Variants in KIAA0319L observed in about 807,000 individuals in gnomAD.
KIAA0319L encodes dyslexia-associated protein KIAA0319-like protein.
In KIAA0319L, 55 loss-of-function variants were observed where a neutral mutation model predicts 120.1. The ratio of observed to expected loss-of-function variants is 0.46; its 90% confidence interval spans 0.37 to 0.57. The LOEUF (loss-of-function observed/expected upper bound fraction) is 0.57. KIAA0319L is among the 20% of genes least tolerant of loss of function. The pLI, the probability that KIAA0319L is intolerant of heterozygous loss-of-function variation, is 0.00. For synonymous variants in KIAA0319L, 398 were observed against 471.9 expected (o/e 0.84, Z 2.03); for missense variants, 1,049 against 1,255.3 (o/e 0.84, Z 2.48).
In KIAA0319L at chr1:35,449,981, G is replaced by C; in HGVS notation, c.2239C>G (p.His747Asp). 6.2e-7 allele frequency: 1 copy of C among 1,614,160 alleles called. No homozygotes were observed. The highest frequency in any genetic ancestry group is 8.5e-7 in the Non-Finnish European group (1 of 1,180,000). ...AGGTTTGAAAGAAAAAGGATAGGGTGATGGTCAGAGTGATTTAACACCTCC... is the reference window on the plus strand; with the variant it reads ...AGGTTTGAAAGAAAAAGGATAGGGTCATGGTCAGAGTGATTTAACACCTCC... ...AGEVLNHSDHHPILFLSNLVE... is the reference protein window; with the variant it reads ...AGEVLNHSDHDPILFLSNLVE... Residue 747 changes from histidine to aspartate, a missense_variant, in exon 15 of 21, where the codon CAC (histidine) becomes GAC (aspartate). His to Asp is a moderately conservative substitution (Grantham distance 81). Coordinates refer to ENST00000325722, the MANE Select transcript of KIAA0319L (RefSeq NM_024874.5).
intron 3 of KIAA0319L, among the ~76,000 whole-genome samples, chr1:35,483,190 C>G (rs1644243393): frequency 6.6e-6 from 1 of 152,114 alleles, no homozygotes; most frequent in Non-Finnish European, 1.5e-5. Context: ...CAGTCTGTAT[C>G]TTCCTTTTTC....
chr1:35,442,998 T>C lies in KIAA0319L; in HGVS notation c.2687A>G (p.His896Arg), dbSNP rs1222811864. The change falls in exon 18 of 21, where the codon CAC becomes CGC. Residue 896 changes from histidine to arginine, a missense_variant. Physicochemically the swap from His to Arg is conservative, Grantham distance 29. Coordinates refer to ENST00000325722, the MANE Select transcript of KIAA0319L (RefSeq NM_024874.5). ...TCQLNCSDHGHCDSFTKRCIC... is the reference protein window; with the variant it reads ...TCQLNCSDHGRCDSFTKRCIC... ...ACAGCGTTTGGTGAACGAGTCACAG[T>C]GGCCATGGTCGGAACAGTTCAGCTG... 1 of 1,614,178 alleles carries C rather than the reference T, an allele frequency of 6.2e-7. No homozygotes were observed. The highest frequency in any genetic ancestry group is 1.7e-5 in the Admixed American group (1 of 60,022).
At chr1:35,500,263 C>G (rs1248254077) in intron 3 of KIAA0319L, among the ~76,000 whole-genome samples, 1 of 152,196 alleles carries the variant, frequency 6.6e-6, no homozygotes, top group African/African-American at 2.4e-5. Context: ...ACTGCTTAAG[C>G]TGTACACATT....
chr1:35,556,153 T>C (rs1244893950), intron 1 of KIAA0319L, among the ~76,000 whole-genome samples: 1 of 152,220 alleles, frequency 6.6e-6, no homozygotes, highest in Non-Finnish European at 1.5e-5. Context: ...AATGAAAATC[T>C]AGAGAAGCTC....
rs780120294 is a variant in KIAA0319L at position 35,506,919 on chromosome 1, C to T, written c.359G>A (p.Arg120Lys). 6.8e-6 allele frequency: 11 copies of T among 1,613,988 alleles called. No homozygotes were observed. The highest frequency in any genetic ancestry group is 9.3e-6 in the Non-Finnish European group (11 of 1,180,016). Residue 120 changes from arginine to lysine, a missense_variant, in exon 3 of 21, where the codon AGG (arginine) becomes AAG (lysine). Transcript: ENST00000325722. The surrounding 1 kb of genome is among the most constrained non-coding windows in gnomAD (Gnocchi z 4.0). ...CAGCATGGAATTGGAGGAGTGTGTC[C>T]TAAAAGCCCGGCAGCTCTGGGGCCT... ...CSRPQSCRAF[R>K]THSSNSMLVF...
chr1:35,475,123 T>C (rs1450208294), intron 4 of KIAA0319L, among the ~76,000 whole-genome samples: 1 of 152,210 alleles, frequency 6.6e-6, no homozygotes, highest in Non-Finnish European at 1.5e-5. Context: ...ATCTAACAGC[T>C]GTACCCTAAT....
intron 2 of KIAA0319L, among the ~76,000 whole-genome samples, chr1:35,513,288 A>ATATATATATATATATATTTTTTTTT (rs1414704674): frequency 1.2e-5 from 1 of 85,338 alleles, no homozygotes; most frequent in African/African-American, 4.3e-5. Context: ...ATATATATAT[A>ATATATATATATATATATTTTTTTTT]TTTTTTTTTT....
At chr1:35,480,915 A>T (rs928774813) in intron 3 of KIAA0319L, among the ~76,000 whole-genome samples, 14 of 152,242 alleles carry the variant, frequency 9.2e-5, no homozygotes, top group African/African-American at 2.4e-4. Context: ...CATTTCTATC[A>T]GCCCCCAAAA....
rs190421628 is a variant in KIAA0319L at position 35,487,241 on chromosome 1, T to C, written c.667-8029A>G. ...TACAGTGTTCAACAACTGATATCTC[T>C]GTGTAGTTCTCACAACTTTTTTTTT... On this transcript the variant is annotated intron_variant, in intron 3 of 20. Transcript: ENST00000325722. Among the ~76,000 whole-genome samples the C allele has an allele frequency of 5.6e-4, 85 of 152,244 alleles. 3 individuals are homozygous for C. The highest frequency in any genetic ancestry group is 4.9e-3 in the Admixed American group (75 of 15,282).
At chr1:35,436,288 C>T (rs918373750) in intron 20 of KIAA0319L, among the ~76,000 whole-genome samples, 2 of 152,258 alleles carry the variant, frequency 1.3e-5, no homozygotes, top group African/African-American at 4.8e-5. Context: ...GCCCAAGGAC[C>T]TTGTCCATGT....
intron 8 of KIAA0319L, among the ~76,000 whole-genome samples, chr1:35,460,731 C>T (rs916160910): frequency 6.6e-6 from 1 of 152,172 alleles, no homozygotes; most frequent in African/African-American, 2.4e-5. Flanking sequence ...AAATACCCAA[C>T]CTCACTTAAA....
At chr1:35,452,879 G>A (rs1372884952) in intron 12 of KIAA0319L, among the ~76,000 whole-genome samples, 1 of 151,986 alleles carries the variant, frequency 6.6e-6, no homozygotes, top group African/African-American at 2.4e-5. Flanking sequence ...AAAAAACCCA[G>A]GCTGTCCTAT....
At chr1:35,545,623 G>A (rs980970593) in intron 2 of KIAA0319L, among the ~76,000 whole-genome samples, 2 of 152,156 alleles carry the variant, frequency 1.3e-5, no homozygotes, top group Admixed American at 6.5e-5. Flanking sequence ...AATAGAGAAT[G>A]ACTTAGGCAG....
intron 20 of KIAA0319L, chr1:35,440,836 A>G: frequency 1.8e-6 from 1 of 570,946 alleles, no homozygotes; most frequent in Non-Finnish European, 3.1e-6. Context: ...ACCCCCGCCA[A>G]GCGGAAGTAG....
intron 3 of KIAA0319L, among the ~76,000 whole-genome samples, chr1:35,489,347 A>T (rs1644506050): frequency 6.6e-6 from 1 of 152,250 alleles, no homozygotes. Flanking sequence ...AAGACACCAG[A>T]CATCAGGTGA....
At chr1:35,479,250 T>G in intron 3 of KIAA0319L, 38 bp from the exon 4 acceptor site, 4 of 1,560,462 alleles carry the variant, frequency 2.6e-6, no homozygotes, top group Non-Finnish European at 3.5e-6. Flanking sequence ...TAGGTAAAAG[T>G]TACATAATTT....
intron 5 of KIAA0319L, among the ~76,000 whole-genome samples, chr1:35,473,789 T>C (rs1238545797): frequency 6.6e-6 from 1 of 152,222 alleles, no homozygotes; most frequent in Non-Finnish European, 1.5e-5. Flanking sequence ...TGGAGATGTG[T>C]GTACCTAAAA....
chr1:35,476,402 T>C (rs950257780), intron 4 of KIAA0319L, among the ~76,000 whole-genome samples: 9 of 152,168 alleles, frequency 5.9e-5, no homozygotes, highest in Admixed American at 5.2e-4. Flanking sequence ...TAGGAGAGCT[T>C]AAAGCAAACA....
chr1:35,456,005 C>T lies in KIAA0319L; in HGVS notation c.1656+8G>A, dbSNP rs1472417393. 1 of 1,598,072 alleles carries T rather than the reference C, an allele frequency of 6.3e-7. No homozygotes were observed. The highest frequency in any genetic ancestry group is 8.6e-7 in the Non-Finnish European group (1 of 1,168,524). ...GGGCAAGAAAAAATAGGAACCATTC[C>T]CTCCTACCTGCATCTCCACCACTTT... On this transcript the variant is annotated splice_region_variant and intron_variant, in intron 10 of 20. Coordinates refer to ENST00000325722, the MANE Select transcript of KIAA0319L (RefSeq NM_024874.5).
Sources: allele counts gnomAD v4.1 joint callset (sites outside exome capture counted in the v4.1 genomes callset), GRCh38; gene constraint gnomAD v4.1.1; non-coding constraint Gnocchi (gnomAD v3.1); transcripts MANE v1.5; gene names NCBI Gene and HGNC (gene_info 2026-07-23, HGNC 2026-07-21).